The following MALRD1 variants were observed in gnomAD, a reference collection of about 807,000 sequenced individuals.
The protein encoded by MALRD1 is MAM and LDL-receptor class A domain-containing protein 1.
MALRD1 carries 247 observed loss-of-function variants against 242.1 expected under a neutral mutation model. That is an observed-to-expected ratio of 1.02 (90% CI 0.92 to 1.13). MALRD1 has a LOEUF of 1.13. Among genes scored for constraint, MALRD1 ranks in the 50% most tolerant of loss-of-function variants. MALRD1 has a pLI of 0.00. For missense variants in MALRD1, 2,989 were observed against 2,533.1 expected (o/e 1.18, Z -3.86); for synonymous variants, 995 against 866.6 (o/e 1.15, Z -2.60).
rs575043073 is a variant in MALRD1, at chr10:19,226,883, T to G, written c.2991+17203T>G. Among the ~76,000 whole-genome samples, 5 of 151,934 alleles carry G rather than the reference T, an allele frequency of 3.3e-5. No homozygotes were observed. In the South Asian group the frequency reaches 1.0e-3, roughly 31 times the overall value. On this transcript the variant is annotated intron_variant, in intron 18 of 39. Coordinates refer to ENST00000454679, the MANE Select transcript of MALRD1 (RefSeq NM_001142308.3). ...TGTTTCTATACACAATCAACACCAA[T>G]TAGAAAATAAAATTATGTAAGCAAT...
intron 31 of MALRD1, among the ~76,000 whole-genome samples, chr10:19,524,247 T>C (rs978326273): frequency 3.3e-5 from 5 of 151,980 alleles, no homozygotes; most frequent in Admixed American, 2.6e-4. Context: ...GAGGCCAAGG[T>C]GGTGGATCAC....
At chr10:19,666,692 G>T (rs1028207410) in intron 36 of MALRD1, among the ~76,000 whole-genome samples, 1 of 152,070 alleles carries the variant, frequency 6.6e-6, no homozygotes, top group African/African-American at 2.4e-5. Flanking sequence ...TTCTATAACT[G>T]CATTAGAGCA....
At chr10:19,362,801 G>T (rs1246143413) in intron 26 of MALRD1, among the ~76,000 whole-genome samples, 1 of 152,136 alleles carries the variant, frequency 6.6e-6, no homozygotes, top group Admixed American at 6.6e-5. Context: ...GGTAAGAGCA[G>T]CAGGACTACT....
At chr10:19,681,091 T>G (rs1842351876) in intron 36 of MALRD1, among the ~76,000 whole-genome samples, 1 of 152,174 alleles carries the variant, frequency 6.6e-6, no homozygotes, top group Admixed American at 6.5e-5. Flanking sequence ...TTTCCTTCAT[T>G]TTGACCTTGG....
chr10:19,452,051 T>C (rs536693415), intron 29 of MALRD1, among the ~76,000 whole-genome samples: 1 of 152,334 alleles, frequency 6.6e-6, no homozygotes, highest in South Asian at 2.1e-4. Context: ...CTAGTAACTT[T>C]CCAAGTAATA....
chr10:19,551,448 G>A (rs1364393149), intron 32 of MALRD1, among the ~76,000 whole-genome samples: 2 of 152,154 alleles, frequency 1.3e-5, no homozygotes, highest in Non-Finnish European at 2.9e-5. Context: ...TTTGTATGCT[G>A]ATTTTGTATC....
intron 34 of MALRD1, among the ~76,000 whole-genome samples, chr10:19,596,105 G>A (rs1171839863): frequency 6.6e-6 from 1 of 152,128 alleles, no homozygotes; most frequent in African/African-American, 2.4e-5. Context: ...GATGATTTGA[G>A]CAAATGCATG....
intron 2 of MALRD1, among the ~76,000 whole-genome samples, chr10:19,078,018 G>A (rs1003315499): frequency 6.6e-6 from 1 of 151,748 alleles, no homozygotes; most frequent in African/African-American, 2.4e-5. Flanking sequence ...CTATTATTAT[G>A]AAGATTTAAT....
intron 17 of MALRD1, among the ~76,000 whole-genome samples, chr10:19,206,670 A>G (rs969605434): frequency 2.0e-5 from 3 of 152,152 alleles, no homozygotes; most frequent in African/African-American, 7.2e-5. Context: ...ACTTCATGAC[A>G]CAGTGTACAT....
intron 36 of MALRD1, among the ~76,000 whole-genome samples, chr10:19,631,400 GGC>G (rs1839896928): frequency 6.6e-6 from 1 of 152,094 alleles, no homozygotes; most frequent in Non-Finnish European, 1.5e-5. Context: ...GCCATTGATT[GGC>G]ATGTAAGTTG....
In MALRD1 at chr10:19,209,420, T is replaced by TATCTCTACA. The variant is rs1438524168; in HGVS notation, c.2732_2740dup (p.Tyr913_Ile914insAsnLeuTyr). ...CACTCTGGGCACAGCTAAAGGACAC[T>TATCTCTACA]ATCTCTACATAGAATCTTCAGAGCC... On this transcript the variant is annotated inframe_insertion, in exon 18 of 40. Coordinates refer to ENST00000454679, the MANE Select transcript of MALRD1 (RefSeq NM_001142308.3). The TATCTCTACA allele has an allele frequency of 4.5e-6, 7 of 1,550,896 alleles. No individual in the cohort carries two copies. In the South Asian group the frequency reaches 7.1e-5, roughly 16 times the overall value.
At chr10:19,706,085 A>T (rs1341831620) in intron 38 of MALRD1, among the ~76,000 whole-genome samples, 2 of 152,162 alleles carry the variant, frequency 1.3e-5, no homozygotes, top group Non-Finnish European at 2.9e-5. Flanking sequence ...ACAGGGCTGT[A>T]AAAGGAGATA....
At chr10:19,588,289 G>C (rs1413044473) in intron 33 of MALRD1, among the ~76,000 whole-genome samples, 1 of 152,050 alleles carries the variant, frequency 6.6e-6, no homozygotes, top group Non-Finnish European at 1.5e-5. Flanking sequence ...TAATTATCAA[G>C]AAAAGTAAAA....
At chr10:19,509,416 C>G (rs1298269698) in intron 31 of MALRD1, among the ~76,000 whole-genome samples, 1 of 152,146 alleles carries the variant, frequency 6.6e-6, no homozygotes, top group African/African-American at 2.4e-5. Flanking sequence ...TGGTTTATTT[C>G]TGTACTAAGT....
chr10:19,234,337 T>C (rs1838207617), intron 18 of MALRD1, among the ~76,000 whole-genome samples: 1 of 152,100 alleles, frequency 6.6e-6, no homozygotes, highest in Non-Finnish European at 1.5e-5. Context: ...TCTTTTTTTA[T>C]ATGCTGACAT....
intron 21 of MALRD1, among the ~76,000 whole-genome samples, chr10:19,284,408 C>G (rs911381737): frequency 2.6e-4 from 32 of 122,894 alleles, no homozygotes; most frequent in African/African-American, 8.5e-4. Flanking sequence ...CCCCTCCCCC[C>G]ACCCCACCAC....
intron 36 of MALRD1, among the ~76,000 whole-genome samples, chr10:19,678,846 G>A (rs116078504): frequency 6.6e-6 from 1 of 152,050 alleles, no homozygotes; most frequent in Admixed American, 6.6e-5. Flanking sequence ...TTATTGAGAG[G>A]TTTTAACAGG....
intron 21 of MALRD1, among the ~76,000 whole-genome samples, chr10:19,322,284 A>G (rs747752407): frequency 6.6e-6 from 1 of 152,044 alleles, no homozygotes; most frequent in Non-Finnish European, 1.5e-5. Flanking sequence ...CGTATGATAT[A>G]TAAGAGAACT....
At chr10:19,707,729 A>C (rs1255185356) in intron 38 of MALRD1, among the ~76,000 whole-genome samples, 4 of 122,412 alleles carry the variant, frequency 3.3e-5, no homozygotes, top group African/African-American at 1.1e-4. Flanking sequence ...TGGGAAGACC[A>C]CTTTAGGCCT....
Sources: allele counts gnomAD v4.1 joint callset (sites outside exome capture counted in the v4.1 genomes callset), GRCh38; gene constraint gnomAD v4.1.1; transcripts MANE v1.5; gene names NCBI Gene and HGNC (gene_info 2026-07-23, HGNC 2026-07-21).